The following CCDC91 variants were observed in gnomAD, a reference collection of about 807,000 sequenced individuals.
The protein encoded by CCDC91 is coiled-coil domain-containing protein 91.
In CCDC91, 48 loss-of-function variants were observed where a neutral mutation model predicts 63.2. That is an observed-to-expected ratio of 0.76 (90% CI 0.60 to 0.97). The LOEUF (loss-of-function observed/expected upper bound fraction) is 0.97, where lower values mean the gene tolerates loss of function less well. CCDC91 is among the 50% of genes least tolerant of loss of function. The pLI, the probability that CCDC91 is intolerant of heterozygous loss-of-function variation, is 0.00. For missense variants in CCDC91, 500 were observed against 494.6 expected (o/e 1.01, Z -0.10); for synonymous variants, 167 against 165.8 (o/e 1.01, Z -0.06).
At chr12:28,345,735 G>A (rs1030705042) in intron 6 of CCDC91, among the ~76,000 whole-genome samples, 12 of 151,920 alleles carry the variant, frequency 7.9e-5, no homozygotes, top group African/African-American at 2.9e-4. Flanking sequence ...TTATGACCAT[G>A]TTTTTAAATA....
chr12:28,297,640 C>T (rs1200769100), intron 3 of CCDC91, among the ~76,000 whole-genome samples: 2 of 151,766 alleles, frequency 1.3e-5, no homozygotes, highest in Non-Finnish European at 3.0e-5. Flanking sequence ...TTATAGATTT[C>T]TCTTAAAAAA....
chr12:28,319,720 T>C (rs1940283775), intron 6 of CCDC91, among the ~76,000 whole-genome samples: 1 of 151,562 alleles, frequency 6.6e-6, no homozygotes, highest in African/African-American at 2.4e-5. Context: ...AGAGAAAAAG[T>C]CTATATATGT....
At chr12:28,251,043 A>G (rs879348542) in intron 1 of CCDC91, among the ~76,000 whole-genome samples, 6 of 151,866 alleles carry the variant, frequency 4.0e-5, no homozygotes, top group Non-Finnish European at 8.8e-5. Flanking sequence ...AGTCAGAAAA[A>G]AAACCACTTG....
intron 7 of CCDC91, among the ~76,000 whole-genome samples, chr12:28,363,724 A>C (rs1231454360): frequency 2.0e-5 from 3 of 151,360 alleles, no homozygotes; most frequent in African/African-American, 7.3e-5. Flanking sequence ...AATAATACAA[A>C]AAATTAGCCG....
intron 8 of CCDC91, among the ~76,000 whole-genome samples, chr12:28,392,829 C>G (rs1259417306): frequency 6.6e-6 from 1 of 152,214 alleles, no homozygotes; most frequent in Non-Finnish European, 1.5e-5. Flanking sequence ...TCTCCATTAT[C>G]AGGTCCAGAT....
intron 8 of CCDC91, among the ~76,000 whole-genome samples, chr12:28,402,268 A>G (rs981073826): frequency 1.3e-5 from 2 of 152,170 alleles, no homozygotes; most frequent in Non-Finnish European, 1.5e-5. Context: ...TTATCTATGA[A>G]CGTTGACTGT....
chr12:28,258,785 A>G (rs1946623878), intron 2 of CCDC91, among the ~76,000 whole-genome samples: 1 of 152,022 alleles, frequency 6.6e-6, no homozygotes, highest in South Asian at 2.1e-4. Flanking sequence ...AACAGACAGA[A>G]AACTCTGTGC....
chr12:28,264,378 T>TTTTTTTTTTTTGAGAC (rs1555169555), intron 3 of CCDC91, among the ~76,000 whole-genome samples: 1 of 148,464 alleles, frequency 6.7e-6, no homozygotes, highest in African/African-American at 2.4e-5. Flanking sequence ...TAATTTTTTT[T>TTTTTTTTTTTTGAGAC]GGCTAAGAAA....
At chr12:28,336,150 C>A (rs1252605665) in intron 6 of CCDC91, among the ~76,000 whole-genome samples, 1 of 151,688 alleles carries the variant, frequency 6.6e-6, no homozygotes, top group Admixed American at 6.6e-5. Context: ...AATAAACAGG[C>A]AACTCCTAGT....
intron 8 of CCDC91, among the ~76,000 whole-genome samples, chr12:28,434,309 A>T (rs544491601): frequency 1.6e-4 from 24 of 151,614 alleles, no homozygotes; most frequent in Middle Eastern, 6.8e-3. Flanking sequence ...AATTTTTTTT[A>T]AAAAAATCAT....
chr12:28,286,745 G>A (rs1290485582), intron 3 of CCDC91, among the ~76,000 whole-genome samples: 1 of 152,092 alleles, frequency 6.6e-6, no homozygotes, highest in Non-Finnish European at 1.5e-5. Flanking sequence ...GGGACTATTG[G>A]GTCATATAGT....
At chr12:28,504,367 A>G (rs955447447) in intron 12 of CCDC91, among the ~76,000 whole-genome samples, 49 of 152,060 alleles carry the variant, frequency 3.2e-4, no homozygotes, top group African/African-American at 1.2e-3. Flanking sequence ...ATTCATTAAC[A>G]AATATTTGTT....
At chr12:28,207,044 A>G (rs1942910983) in intron 1 of CCDC91, among the ~76,000 whole-genome samples, 1 of 152,242 alleles carries the variant, frequency 6.6e-6, no homozygotes, top group Non-Finnish European at 1.5e-5. Flanking sequence ...GTGTAAGATT[A>G]TCCATGTATA....
chr12:28,409,110 A>G (rs776817264), intron 8 of CCDC91, among the ~76,000 whole-genome samples: 1 of 152,154 alleles, frequency 6.6e-6, no homozygotes, highest in Non-Finnish European at 1.5e-5. Flanking sequence ...GCACTTGCCA[A>G]ACTTCTAATA....
intron 7 of CCDC91, among the ~76,000 whole-genome samples, chr12:28,364,902 T>G (rs909780459): frequency 2.0e-5 from 3 of 152,178 alleles, no homozygotes; most frequent in Admixed American, 2.0e-4. Flanking sequence ...TTAGAACACC[T>G]TCGTTGCAAA....
At chr12:28,196,135 C>T (rs1591939015) in intron 1 of CCDC91, among the ~76,000 whole-genome samples, 2 of 148,438 alleles carry the variant, frequency 1.3e-5, no homozygotes, top group African/African-American at 2.5e-5. Flanking sequence ...AACCTTTCTA[C>T]GTTTATTTGG....
At chr12:28,515,471 C>T (rs896256311) in intron 12 of CCDC91, among the ~76,000 whole-genome samples, 12 of 151,816 alleles carry the variant, frequency 7.9e-5, no homozygotes, top group Non-Finnish European at 1.5e-4. Flanking sequence ...GATCTTATGC[C>T]CTTTTTGCTA....
chr12:28,521,912 A>T (rs1332683523), intron 12 of CCDC91, among the ~76,000 whole-genome samples: 1 of 152,166 alleles, frequency 6.6e-6, no homozygotes, highest in Non-Finnish European at 1.5e-5. Flanking sequence ...CTTGCATCCC[A>T]GGGATGAAGC....
chr12:28,322,390 A>G lies in CCDC91; in HGVS notation c.576+14641A>G, dbSNP rs138071580. On this transcript the variant is annotated intron_variant, in intron 6 of 12. Coordinates refer to ENST00000536442, the MANE Select transcript of CCDC91 (RefSeq NM_018318.5). ...CTTCTTCTGCTTTGAGACATTACCA[A>G]TGACCTCACACATTTAAAAAATCCT... Among the ~76,000 whole-genome samples the G allele has an allele frequency of 8.4e-4, 128 of 151,924 alleles. 2 individuals carry two copies. Among genetic ancestry groups the G allele is most frequent in the African/African-American group, 2.9e-3 (122 of 41,510 alleles).
Sources: allele counts gnomAD v4.1 joint callset (sites outside exome capture counted in the v4.1 genomes callset), GRCh38; gene constraint gnomAD v4.1.1; transcripts MANE v1.5; gene names NCBI Gene and HGNC (gene_info 2026-07-23, HGNC 2026-07-21).